The following NRG1 variants were observed in gnomAD, a reference collection of about 807,000 sequenced individuals.
NRG1 encodes the protein pro-neuregulin-1, membrane-bound isoform.
A neutral mutation model predicts 63.8 loss-of-function variants in NRG1; 18 were observed. That is an observed-to-expected ratio of 0.28 (90% confidence interval 0.19 to 0.42). The LOEUF (loss-of-function observed/expected upper bound fraction) is 0.42. NRG1 is among the 10% of genes least tolerant of loss of function. NRG1 has a pLI of 1.00. For synonymous variants in NRG1, 302 were observed against 301.3 expected, an observed-to-expected ratio of 1.00 and a Z score of -0.02; for missense variants, 762 against 814.7, an observed-to-expected ratio of 0.94 and a Z score of 0.79.
At chr8:31,734,908 C>G (rs1814499234) in intron 1 of NRG1, among the ~76,000 whole-genome samples, 1 of 152,116 alleles carries the variant, frequency 6.6e-6, no homozygotes, top group African/African-American at 2.4e-5. Flanking sequence ...CCAGCCATCC[C>G]TATTATGACT....
intron 1 of NRG1, among the ~76,000 whole-genome samples, chr8:32,257,991 A>G (rs1345167764): frequency 2.6e-5 from 4 of 152,240 alleles, no homozygotes; most frequent in Admixed American, 2.0e-4. Flanking sequence ...TTTAATAGCT[A>G]TAGTCCAAGA....
chr8:32,732,622 T>G (rs1215133717), intron 6 of NRG1, among the ~76,000 whole-genome samples: 1 of 152,092 alleles, frequency 6.6e-6, no homozygotes, highest in East Asian at 1.9e-4. Flanking sequence ...CCAAATTTCT[T>G]CCCAGGGAGT....
At chr8:31,662,367 A>G (rs1806075839) in intron 1 of NRG1, among the ~76,000 whole-genome samples, 1 of 152,246 alleles carries the variant, frequency 6.6e-6, no homozygotes, top group Admixed American at 6.5e-5. Context: ...AAAAAACAGC[A>G]CTTTTCCTGA....
intron 5 of NRG1, among the ~76,000 whole-genome samples, chr8:32,720,250 T>C (rs1820282110): frequency 1.3e-5 from 2 of 152,124 alleles, no homozygotes; most frequent in Admixed American, 6.6e-5. Flanking sequence ...TTTGACTAGT[T>C]TGGAAAGTGA....
chr8:32,011,777 G>A (rs537621169), intron 1 of NRG1, among the ~76,000 whole-genome samples: 2 of 152,144 alleles, frequency 1.3e-5, no homozygotes, highest in South Asian at 4.1e-4. Context: ...TGGATGCCTA[G>A]GAAATTTACC....
chr8:31,782,845 G>A (rs141303555), intron 1 of NRG1, among the ~76,000 whole-genome samples: 117 of 152,252 alleles, frequency 7.7e-4, no homozygotes, highest in Middle Eastern at 3.4e-3. Context: ...CATACGATGC[G>A]GATGTTGCTG....
chr8:32,215,273 T>C (rs1845094892), intron 1 of NRG1, among the ~76,000 whole-genome samples: 1 of 152,192 alleles, frequency 6.6e-6, no homozygotes, highest in African/African-American at 2.4e-5. Flanking sequence ...AAGGGCTATG[T>C]GGTCCCAAAA....
In NRG1 at chr8:31,659,964, T is replaced by C. The variant is rs565331984; in HGVS notation, c.37+20533T>C. Among the ~76,000 whole-genome samples, 49 of 152,276 alleles carry C rather than the reference T, an allele frequency of 3.2e-4. 2 individuals carry two copies. In the South Asian group the frequency reaches 9.5e-3, roughly 30 times the overall value. ...AAATCTTGACAATATCCCCAGAGAT[T>C]GGCATCATTATACTCATTTTACAGA... On this transcript the variant is annotated intron_variant, in intron 1 of 10. Coordinates refer to the NRG1 transcript ENST00000519301.
At chr8:32,328,802 AATC>A (rs1326171690) in intron 1 of NRG1, among the ~76,000 whole-genome samples, 2 of 152,140 alleles carry the variant, frequency 1.3e-5, no homozygotes, top group Non-Finnish European at 2.9e-5. Context: ...GAAAAGCATA[AATC>A]ATCTTGGAAT....
chr8:31,671,604 A>T (rs1226470605), intron 1 of NRG1, among the ~76,000 whole-genome samples: 4 of 152,192 alleles, frequency 2.6e-5, no homozygotes, highest in Admixed American at 2.6e-4. Context: ...AGGCAAACAC[A>T]AGTCAAGCTT....
In NRG1 at chr8:32,683,884, C is replaced by CT. The variant is rs200600488; in HGVS notation, c.503-44063dup. On this transcript the variant is annotated intron_variant, in intron 5 of 11. Coordinates refer to ENST00000356819, the Ensembl canonical transcript of NRG1. ...AACCCTGAGCTCTTCTAATTTGCTTCTTGAAAAAAAAAAAAAAAAAGAAAA... is the reference window on the plus strand; with the variant it reads ...AACCCTGAGCTCTTCTAATTTGCTTCTTTGAAAAAAAAAAAAAAAAAGAAAA... Among the ~76,000 whole-genome samples the CT allele has an allele frequency of 2.2e-3, 283 of 131,238 alleles. 1 individual carries two copies. Among genetic ancestry groups the CT allele is most frequent in the African/African-American group, 5.0e-3 (164 of 32,598 alleles). The allele number at this position is 131,238 out of a possible 152,430, so 86.1% of individuals were successfully genotyped here.
chr8:32,281,184 C>CTTTGTTTTTTTTTTTTTT (rs1852782081), intron 1 of NRG1, among the ~76,000 whole-genome samples: 1 of 94,326 alleles, frequency 1.1e-5, no homozygotes, highest in Non-Finnish European at 2.0e-5. Context: ...GTAGTTTTTC[C>CTTTGTTTTTTTTTTTTTT]TTTTTTTTTT....
intron 1 of NRG1, among the ~76,000 whole-genome samples, chr8:31,936,329 A>G (rs1835297341): frequency 6.6e-6 from 1 of 152,206 alleles, no homozygotes; most frequent in Non-Finnish European, 1.5e-5. Context: ...TTTTTGTTGT[A>G]AAATATTTGA....
intron 1 of NRG1, among the ~76,000 whole-genome samples, chr8:32,460,178 GA>G (rs950554988): frequency 6.6e-6 from 1 of 152,190 alleles, no homozygotes; most frequent in Non-Finnish European, 1.5e-5. Flanking sequence ...ACATAAGAGT[GA>G]ATGAATGAAA....
chr8:31,752,529 C>A (rs1816586518), intron 1 of NRG1, among the ~76,000 whole-genome samples: 1 of 151,930 alleles, frequency 6.6e-6, no homozygotes, highest in South Asian at 2.1e-4. Context: ...CAGTATATGC[C>A]AGATATCTGT....
At chr8:32,356,692 A>G (rs1281747351) in intron 1 of NRG1, among the ~76,000 whole-genome samples, 2 of 152,214 alleles carry the variant, frequency 1.3e-5, no homozygotes, top group Non-Finnish European at 2.9e-5. Flanking sequence ...GATGGTATTC[A>G]GTGGTGGTTG....
At chr8:31,924,796 T>C (rs1834205711) in intron 1 of NRG1, among the ~76,000 whole-genome samples, 1 of 151,978 alleles carries the variant, frequency 6.6e-6, no homozygotes, top group Admixed American at 6.6e-5. Flanking sequence ...TTTGACATGG[T>C]ATTTTCTATA....
intron 1 of NRG1, among the ~76,000 whole-genome samples, chr8:31,849,727 A>G (rs1200442167): frequency 6.6e-6 from 1 of 152,120 alleles, no homozygotes; most frequent in East Asian, 1.9e-4. Context: ...CTGTGCTTTC[A>G]TGAATGTGTT....
At chr8:32,506,889 T>A (rs957825234) in intron 1 of NRG1, among the ~76,000 whole-genome samples, 3 of 151,928 alleles carry the variant, frequency 2.0e-5, no homozygotes, top group Non-Finnish European at 4.4e-5. Context: ...CTAAAAAAAA[T>A]AAGATAAAAA....
Sources: gnomAD v4.1 joint callset for allele counts (sites outside exome capture counted in the v4.1 genomes callset) on GRCh38, gnomAD v4.1.1 for gene constraint, MANE v1.5 for transcripts, NCBI Gene and HGNC (gene_info 2026-07-23, HGNC 2026-07-21) for gene names.